PCDHGA12: variants seen among roughly 807,000 people sequenced by gnomAD.
PCDHGA12 encodes protocadherin gamma subfamily A, 12, also known as protocadherin gamma-A12.
Under a neutral mutation model 61.1 loss-of-function variants are expected in PCDHGA12, and 43 were observed. That is an observed-to-expected ratio of 0.70 (90% CI 0.55 to 0.91). The LOEUF (loss-of-function observed/expected upper bound fraction) is 0.91. Among genes scored for constraint, PCDHGA12 ranks in the 40% least tolerant of loss-of-function variants. The probability of loss-of-function intolerance (pLI) is 0.00; values close to 1 mark genes in which losing one functional copy is unlikely to be tolerated. For missense variants in PCDHGA12, 1,236 were observed against 1,227.7 expected (o/e 1.01, Z -0.10); for synonymous variants, 520 against 542.9 (o/e 0.96, Z 0.59).
Position 141,438,643 on chromosome 5 carries a change from C to CATAT in PCDHGA12, c.2424+5461_2424+5462insTATA, listed in dbSNP as rs1213792286. ...ATATATATATATATATATACACACACACACACACATATATGTATATATATA... is the reference window on the plus strand; with the variant it reads ...ATATATATATATATATATACACACACATATACACACACATATATGTATATATATA... On this transcript the variant is annotated intron_variant, in intron 1 of 3. Transcript: ENST00000252085. Among the ~76,000 whole-genome samples, 345 of 117,382 alleles carry CATAT rather than the reference C, an allele frequency of 2.9e-3. 2 individuals are homozygous for CATAT. Among genetic ancestry groups the CATAT allele is most frequent in the Admixed American group, 6.8e-3 (78 of 11,434 alleles). 77.0% of individuals were successfully genotyped at this position (117,382 alleles called of 152,430 possible). A position where few individuals can be genotyped will look rare whatever the true frequency, so the allele number is the denominator to read the frequency against.
intron 1 of PCDHGA12, among the ~76,000 whole-genome samples, chr5:141,451,571 A>G (rs2098719323): frequency 6.6e-6 from 1 of 152,188 alleles, no homozygotes; most frequent in Non-Finnish European, 1.5e-5. Context: ...CAATCTTTTT[A>G]TAAACCTAAT....
chr5:141,488,175 T>C (rs889217562), intron 1 of PCDHGA12, among the ~76,000 whole-genome samples: 1 of 152,168 alleles, frequency 6.6e-6, no homozygotes, highest in Non-Finnish European at 1.5e-5. Context: ...AGTGGTGGCA[T>C]AGATCTTTTG....
intron 2 of PCDHGA12, among the ~76,000 whole-genome samples, chr5:141,501,956 A>G (rs527567012): frequency 6.6e-6 from 1 of 152,136 alleles, no homozygotes; most frequent in Non-Finnish European, 1.5e-5. Context: ...GTGACAGGTC[A>G]TCCTCCTAAC....
At position 141,485,880 on chromosome 5, in the gene PCDHGA12, A is replaced by G; in HGVS notation, c.2425-8927A>G. 1 of 1,614,124 alleles carries G rather than the reference A, an allele frequency of 6.2e-7. No individual in the cohort carries two copies. Among genetic ancestry groups the G allele is most frequent in the Non-Finnish European group, 8.5e-7 (1 of 1,180,026 alleles). On this transcript the variant is annotated intron_variant, in intron 1 of 3. Transcript: ENST00000252085. The surrounding 1 kb of genome is among the most constrained non-coding windows in gnomAD (Gnocchi z 5.7). ...CTCCGGGTATCCGTGCTGGACGTAA[A>G]CGACAACGCCCCAGCCTTCCAGCAA... is the stretch of plus-strand genomic sequence containing the variant.
chr5:141,500,521 A>T lies in PCDHGA12; in HGVS notation c.2484-4872A>T, dbSNP rs185546944. 3.7e-3 allele frequency among the ~76,000 whole-genome samples: 560 copies of T among 152,176 alleles called. 5 individuals are homozygous for T. Among genetic ancestry groups the T allele is most frequent in the Admixed American group, 0.011 (162 of 15,280 alleles). On this transcript the variant is annotated intron_variant, in intron 2 of 3. Coordinates refer to ENST00000252085, the MANE Select transcript of PCDHGA12 (RefSeq NM_003735.3). Reference sequence around the variant, plus strand: ...ACCGCGCCTGGCCGAGCTTCATTTTAAAAAAATCTCATTCACCTAAATAAG... The same window carrying T: ...ACCGCGCCTGGCCGAGCTTCATTTTTAAAAAATCTCATTCACCTAAATAAG...
rs1446743849 is a variant in PCDHGA12, at chr5:141,476,288, C to T, written c.2425-18519C>T. The T allele has an allele frequency of 1.3e-5, 21 of 1,613,980 alleles. No individual in the cohort carries two copies. The highest frequency in any genetic ancestry group is 2.2e-5 in the South Asian group (2 of 91,076). On this transcript the variant is annotated intron_variant, in intron 1 of 3. Coordinates refer to ENST00000252085, the MANE Select transcript of PCDHGA12 (RefSeq NM_003735.3). This position sits in a 1 kb window ranked among gnomAD's most constrained non-coding sequence, Gnocchi z 7.6. ...CGTGGTCGCGAACCTTGGTTTGGAT[C>T]TCGGTAGCCTCTCAGCCCGCAGGTT...
chr5:141,457,416 C>T (rs1378171092), intron 1 of PCDHGA12, among the ~76,000 whole-genome samples: 1 of 152,172 alleles, frequency 6.6e-6, no homozygotes, highest in Non-Finnish European at 1.5e-5. Flanking sequence ...ATTACCCATC[C>T]CTTTTTCCCC....
chr5:141,457,149 G>A (rs1016628234), intron 1 of PCDHGA12, among the ~76,000 whole-genome samples: 6 of 152,180 alleles, frequency 3.9e-5, no homozygotes, highest in African/African-American at 1.4e-4. Flanking sequence ...TCAGTTAGAA[G>A]GTGCTACCAT....
chr5:141,430,639 A>T lies in PCDHGA12; in HGVS notation c.-121A>T. ...TAGCTAGGAATGAACCATCCCTGGGAGTATGTGGAAACAACGGAGGAGCTC... is the reference window on the plus strand; with the variant it reads ...TAGCTAGGAATGAACCATCCCTGGGTGTATGTGGAAACAACGGAGGAGCTC... On this transcript the variant is annotated 5_prime_UTR_variant, in exon 1 of 4. Transcript: ENST00000252085. 1.1e-6 allele frequency: 1 copy of T among 900,712 alleles called. No individual in the cohort carries two copies. The allele number at this position is 900,712 out of a possible 1,614,324, so 55.8% of individuals were successfully genotyped here.
At chr5:141,475,103 G>A (rs771784343) in intron 1 of PCDHGA12, among the ~76,000 whole-genome samples, 1 of 152,176 alleles carries the variant, frequency 6.6e-6, no homozygotes, top group Non-Finnish European at 1.5e-5. Flanking sequence ...AAGATCCTAG[G>A]TGGTAAATAG....
rs1206130340 is a variant in PCDHGA12, at chr5:141,473,814, G to A, written c.2425-20993G>A. On this transcript the variant is annotated intron_variant, in intron 1 of 3. Coordinates refer to ENST00000252085, the MANE Select transcript of PCDHGA12 (RefSeq NM_003735.3). ...GTATGATGCTACTGAGGAGCAGCTG[G>A]ACAATTGTGTGATCCAATTAAAATT... Among the ~76,000 whole-genome samples, 5 of 152,188 alleles carry A rather than the reference G, an allele frequency of 3.3e-5. No individual in the cohort carries two copies. The East Asian group carries it at 9.6e-4, about 29-fold the overall frequency.
chr5:141,445,075 A>G (rs1251499929), intron 1 of PCDHGA12, among the ~76,000 whole-genome samples: 1 of 152,170 alleles, frequency 6.6e-6, no homozygotes, highest in East Asian at 1.9e-4. Context: ...TTCTCATTAA[A>G]TTGTCCCTAC....
intron 1 of PCDHGA12, among the ~76,000 whole-genome samples, chr5:141,463,191 C>T (rs2099054821): frequency 6.6e-6 from 1 of 152,100 alleles, no homozygotes; most frequent in Non-Finnish European, 1.5e-5. Flanking sequence ...TATTATTTAG[C>T]CAAAGACTTG....
chr5:141,482,160 T>G (rs577572891), intron 1 of PCDHGA12, among the ~76,000 whole-genome samples: 1 of 151,854 alleles, frequency 6.6e-6, no homozygotes, highest in Admixed American at 6.6e-5. Context: ...GTCAAAGATA[T>G]GTAAGATTAA....
intron 2 of PCDHGA12, among the ~76,000 whole-genome samples, chr5:141,502,866 C>CTTTTTCTT (rs2099816520): frequency 1.6e-5 from 2 of 128,030 alleles, no homozygotes; most frequent in African/African-American, 6.2e-5. Flanking sequence ...GACTCTCTGT[C>CTTTTTCTT]TTTTTTTTTT....
intron 1 of PCDHGA12, among the ~76,000 whole-genome samples, chr5:141,460,447 A>G (rs1202218653): frequency 6.6e-6 from 1 of 152,170 alleles, no homozygotes; most frequent in Non-Finnish European, 1.5e-5. Context: ...GTAACAATGA[A>G]GATTCATATT....
At chr5:141,457,715 CA>C (rs2098928510) in intron 1 of PCDHGA12, among the ~76,000 whole-genome samples, 2 of 152,212 alleles carry the variant, frequency 1.3e-5, no homozygotes, top group Non-Finnish European at 2.9e-5. Flanking sequence ...CACTGTTCCA[CA>C]AGGAATTTCA....
At chr5:141,457,532 T>C (rs2098923599) in intron 1 of PCDHGA12, among the ~76,000 whole-genome samples, 1 of 152,058 alleles carries the variant, frequency 6.6e-6, no homozygotes, top group Admixed American at 6.6e-5. Flanking sequence ...GAGACTAGGG[T>C]TTAATGACAA....
At position 141,489,754 on chromosome 5, in the gene PCDHGA12, C is replaced by G; in HGVS notation, c.2425-5053C>G. 1 of 1,614,110 alleles carries G rather than the reference C, an allele frequency of 6.2e-7. No homozygotes were observed. The highest frequency in any genetic ancestry group is 8.5e-7 in the Non-Finnish European group (1 of 1,179,972). ...CACCAATACTGTGAGCTTTTACACT[C>G]TAAGCCCCAACAGCCACTTCTCTCT... On this transcript the variant is annotated intron_variant, in intron 1 of 3. Coordinates refer to ENST00000252085, the MANE Select transcript of PCDHGA12 (RefSeq NM_003735.3). The surrounding 1 kb of genome is among the most constrained non-coding windows in gnomAD (Gnocchi z 4.5).
Sources: gnomAD v4.1 joint callset for allele counts (sites outside exome capture counted in the v4.1 genomes callset) on GRCh38, gnomAD v4.1.1 for gene constraint, Gnocchi (gnomAD v3.1) non-coding constraint, MANE v1.5 for transcripts, NCBI Gene and HGNC (gene_info 2026-07-23, HGNC 2026-07-21) for gene names.